The following STAG1 variants were observed in gnomAD, a reference collection of about 807,000 sequenced individuals.
The protein encoded by STAG1 is cohesin subunit SA-1.
In STAG1, 26 loss-of-function variants were observed where a neutral mutation model predicts 170.9. The ratio of observed to expected loss-of-function variants is 0.15; its 90% CI spans 0.11 to 0.21. The LOEUF is 0.21. Ranked by LOEUF, STAG1 falls within the 10% of genes least tolerant of loss-of-function variation. STAG1 has a pLI of 1.00. For missense variants in STAG1, 964 were observed against 1,509.5 expected, an observed-to-expected ratio of 0.64 and a Z score of 5.99; for synonymous variants, 514 against 497.7, an observed-to-expected ratio of 1.03 and a Z score of -0.44.
intron 10 of STAG1, 35 bp downstream of exon 10, chr3:136,477,252 CAT>C (rs1310552573): frequency 6.4e-7 from 1 of 1,563,430 alleles, no homozygotes; most frequent in Non-Finnish European, 8.6e-7. Context: ...CTGAGACAAA[CAT>C]AACTTCCATC....
chr3:136,389,225 C>T (rs2086945596), intron 22 of STAG1, among the ~76,000 whole-genome samples: 1 of 152,180 alleles, frequency 6.6e-6, no homozygotes, highest in Admixed American at 6.6e-5. Flanking sequence ...GTAAACGAGG[C>T]AACTGTCTCT....
At chr3:136,433,705 C>T (rs2088375610) in intron 15 of STAG1, 46 bp from the exon 16 acceptor site, 5 of 1,280,218 alleles carry the variant, frequency 3.9e-6, no homozygotes, top group Non-Finnish European at 4.5e-6. Flanking sequence ...AGTTTTACAA[C>T]AACCATGTAT....
At chr3:136,628,367 C>A (rs1940195689) in intron 2 of STAG1, among the ~76,000 whole-genome samples, 1 of 152,036 alleles carries the variant, frequency 6.6e-6, no homozygotes, top group Non-Finnish European at 1.5e-5. Context: ...GAGAAAAAAA[C>A]ATAATTCTGA....
At position 136,736,382 on chromosome 3, in the gene STAG1, G is replaced by C. The variant is rs948945937; in HGVS notation, c.-84+15813C>G. ...TTAAATTGTATTGAAAAAATGGACT[G>C]AAAAGCAAATACTACTCTATGTTGG... is the stretch of plus-strand genomic sequence containing the variant. On this transcript the variant is annotated intron_variant, in intron 1 of 33. Transcript: ENST00000383202. 7.6e-6 allele frequency: 6 copies of C among 791,774 alleles called. No homozygotes were observed. The East Asian group carries it at 1.5e-4, about 19-fold the overall frequency. The allele number at this position is 791,774 out of a possible 1,614,324, so 49.0% of individuals were successfully genotyped here. A position where few individuals can be genotyped will look rare whatever the true frequency, so the allele number is the denominator to read the frequency against.
At chr3:136,716,221 C>CT (rs1458659224) in intron 1 of STAG1, among the ~76,000 whole-genome samples, 2 of 152,072 alleles carry the variant, frequency 1.3e-5, no homozygotes, top group East Asian at 3.9e-4. Flanking sequence ...CTTTGGGAGG[C>CT]TGAGATGGGT....
chr3:136,452,363 G>A (rs757817048), intron 13 of STAG1, among the ~76,000 whole-genome samples: 3 of 151,956 alleles, frequency 2.0e-5, no homozygotes, highest in Non-Finnish European at 4.4e-5. Context: ...AGGAGACTGA[G>A]ACCATCCTGG....
At chr3:136,388,472 G>A (rs1004126366) in intron 22 of STAG1, among the ~76,000 whole-genome samples, 2 of 152,056 alleles carry the variant, frequency 1.3e-5, no homozygotes, top group East Asian at 1.9e-4. Context: ...GGGTTCAAGC[G>A]ATTCTGTTGC....
chr3:136,624,248 G>A (rs1559916043), intron 2 of STAG1, among the ~76,000 whole-genome samples: 1 of 151,708 alleles, frequency 6.6e-6, no homozygotes. Flanking sequence ...ACAGGCACCC[G>A]CCACCAGGCC....
At chr3:136,441,025 C>G (rs1463755899) in intron 15 of STAG1, among the ~76,000 whole-genome samples, 2 of 121,288 alleles carry the variant, frequency 1.6e-5, no homozygotes, top group Non-Finnish European at 3.2e-5. Context: ...ACAGGACCAT[C>G]TTTCCTTTTT....
chr3:136,711,518 G>A (rs373890373), intron 1 of STAG1, among the ~76,000 whole-genome samples: 16 of 151,812 alleles, frequency 1.1e-4, no homozygotes, highest in African/African-American at 2.9e-4. Context: ...CTGTTATCAC[G>A]CTACTGCACG....
At chr3:136,575,953 GA>G (rs1937441043) in intron 4 of STAG1, among the ~76,000 whole-genome samples, 1 of 152,194 alleles carries the variant, frequency 6.6e-6, no homozygotes, top group Non-Finnish European at 1.5e-5. Context: ...ACTTTTGGTA[GA>G]TAGCAAGTCA....
intron 7 of STAG1, among the ~76,000 whole-genome samples, chr3:136,506,583 T>C (rs570063902): frequency 9.4e-5 from 14 of 148,848 alleles, no homozygotes; most frequent in East Asian, 2.0e-4. Flanking sequence ...GAGGTAGAGA[T>C]TGCAGTGAGC....
chr3:136,476,591 C>G (rs2089755579), intron 10 of STAG1, among the ~76,000 whole-genome samples: 1 of 152,118 alleles, frequency 6.6e-6, no homozygotes, highest in Admixed American at 6.5e-5. Flanking sequence ...AACTTCTTAA[C>G]AATTAAATAA....
chr3:136,430,474 T>C (rs901106720), intron 16 of STAG1, among the ~76,000 whole-genome samples: 6 of 152,160 alleles, frequency 3.9e-5, no homozygotes, highest in Non-Finnish European at 7.3e-5. Context: ...TCTTGTCACA[T>C]ATATTTATGT....
intron 4 of STAG1, among the ~76,000 whole-genome samples, chr3:136,578,985 A>G (rs1937537105): frequency 6.6e-6 from 1 of 152,246 alleles, no homozygotes; most frequent in Non-Finnish European, 1.5e-5. Flanking sequence ...AGAAGTAAAC[A>G]CTACATCCCT....
intron 1 of STAG1, among the ~76,000 whole-genome samples, chr3:136,657,122 G>GA (rs923048873): frequency 1.3e-5 from 2 of 148,556 alleles, no homozygotes; most frequent in South Asian, 2.1e-4. Context: ...TACTTATATG[G>GA]AAAAAAAAGT....
Position 136,363,351 on chromosome 3 carries a change from C to G in STAG1, c.2787+15G>C. 7.3e-7 allele frequency: 1 copy of G among 1,367,516 alleles called. No homozygotes were observed. The highest frequency in any genetic ancestry group is 1.0e-6 in the Non-Finnish European group (1 of 963,242). 84.7% of individuals were successfully genotyped at this position (1,367,516 alleles called of 1,614,324 possible). On this transcript the variant is annotated intron_variant, in intron 26 of 33. Coordinates refer to ENST00000383202, the MANE Select transcript of STAG1 (RefSeq NM_005862.3). ...TTATTTCCATTCTTTGTCTCCCTCT[C>G]TCCAAATTTCTTACCTGTTGCAAAC...
At chr3:136,349,109 C>T in intron 29 of STAG1, 49 bp downstream of exon 29, 1 of 1,333,638 alleles carries the variant, frequency 7.5e-7, no homozygotes, top group Non-Finnish European at 1.1e-6. Flanking sequence ...ACTACTTTAT[C>T]TCTTTAAAAC....
intron 21 of STAG1, among the ~76,000 whole-genome samples, chr3:136,403,222 C>A (rs1457237388): frequency 5.3e-5 from 2 of 37,522 alleles, no homozygotes; most frequent in Non-Finnish European, 8.4e-5. Context: ...GTGAGACTGT[C>A]TTAAAAAAAA....
Sources: gnomAD v4.1 joint callset for allele counts (sites outside exome capture counted in the v4.1 genomes callset) on GRCh38, gnomAD v4.1.1 for gene constraint, MANE v1.5 for transcripts, NCBI Gene and HGNC (gene_info 2026-07-23, HGNC 2026-07-21) for gene names.